Variants in DSP observed in about 807,000 individuals in gnomAD.
DSP encodes the protein desmoplakin, also known as 250/210 kDa paraneoplastic pemphigus antigen.
In DSP, 114 loss-of-function variants were observed where a neutral mutation model predicts 290.6. That is an observed-to-expected ratio of 0.39 (90% CI 0.34 to 0.46). DSP has a LOEUF of 0.46. DSP is among the 20% of genes least tolerant of loss of function. The pLI is 0.99. For synonymous variants in DSP, 1,311 were observed against 1,316.4 expected (o/e 1.00, Z 0.09); for missense variants, 3,230 against 3,495.8 (o/e 0.92, Z 1.92).
intron 12 of DSP, 120 bp downstream of exon 12, chr6:7,569,460 T>TA: frequency 1.4e-6 from 2 of 1,452,656 alleles, no homozygotes; most frequent in South Asian, 1.2e-5. Flanking sequence ...AAACACCTTC[T>TA]AAAAAAAGGA....
intron 1 of DSP, among the ~76,000 whole-genome samples, chr6:7,545,735 T>G (rs1279555716): frequency 1.3e-5 from 2 of 152,114 alleles, no homozygotes. Context: ...TGAGAGAACA[T>G]CTGTCGTGGG....
chr6:7,541,788 C>T lies in DSP; in HGVS notation c.-128C>T, dbSNP rs1757979858. On this transcript the variant is annotated 5_prime_UTR_variant, in exon 1 of 24. Coordinates refer to ENST00000379802, the MANE Select transcript of DSP (RefSeq NM_004415.4). ...GGGCCCAGGTAGCGAGCAGCGACCT[C>T]GCGAGCCTTCCGCACTCCCGCCCGG... 2 of 1,256,894 alleles carry T rather than the reference C, an allele frequency of 1.6e-6. No individual in the cohort carries two copies. Among genetic ancestry groups the T allele is most frequent in the Non-Finnish European group, 2.1e-6 (2 of 934,890 alleles). The allele number at this position is 1,256,894 out of a possible 1,614,324, so 77.9% of individuals were successfully genotyped here.
chr6:7,553,832 T>C (rs1048291846), intron 1 of DSP, among the ~76,000 whole-genome samples: 1 of 152,150 alleles, frequency 6.6e-6, no homozygotes, highest in Non-Finnish European at 1.5e-5. Flanking sequence ...TGTGTCTTCT[T>C]CTGGGAGTAG....
At chr6:7,567,549 C>A in intron 9 of DSP, 100 bp downstream of exon 9, 1 of 1,233,622 alleles carries the variant, frequency 8.1e-7, no homozygotes. Flanking sequence ...CAAAATGTTG[C>A]ATAAATCCTC....
At position 7,584,873 on chromosome 6, in the gene DSP, C is replaced by T; in HGVS notation, c.7611C>T (p.Gly2537=). The change falls in exon 24 of 24, where the codon GGC becomes GGT. Residue 2537 remains glycine, a synonymous_variant. Transcript: ENST00000379802. The surrounding 1 kb of genome is among the most constrained non-coding windows in gnomAD (Gnocchi z 6.4). The part of the protein sequence containing the change: ...QYDIQDAIDK[G]LVDRKFFDQY... ...ATATTCAAGATGCTATTGACAAGGG[C>T]CTTGTTGACAGGAAGTTCTTTGATC... 3.7e-6 allele frequency: 6 copies of T among 1,614,146 alleles called. No individual in the cohort carries two copies. The highest frequency in any genetic ancestry group is 5.1e-6 in the Non-Finnish European group (6 of 1,180,036).
chr6:7,553,379 G>A (rs1758398743), intron 1 of DSP, among the ~76,000 whole-genome samples: 1 of 152,150 alleles, frequency 6.6e-6, no homozygotes, highest in African/African-American at 2.4e-5. Flanking sequence ...GCTTGGGACT[G>A]GCATTCTTTG....
At position 7,558,236 on chromosome 6, in the gene DSP, G is replaced by A. The variant is rs1064796573; in HGVS notation, c.394G>A (p.Gly132Ser). 6.2e-7 allele frequency: 1 copy of A among 1,614,174 alleles called. No individual in the cohort carries two copies. The highest frequency in any genetic ancestry group is 8.5e-7 in the Non-Finnish European group (1 of 1,180,026). ...DSLIREMRQM[G>S]QPCDAYQKRL... ...CTTGATCAGAGAGATGCGGCAGATGGGCCAGCCCTGTGATGCTTACCAGAA... is the reference window on the plus strand; with the variant it reads ...CTTGATCAGAGAGATGCGGCAGATGAGCCAGCCCTGTGATGCTTACCAGAA... The change falls in exon 3 of 24, where the codon GGC (glycine) becomes AGC (serine). Residue 132 changes from glycine (G) to serine (S), a missense_variant. Gly to Ser is a moderately conservative substitution (Grantham distance 56). Transcript: ENST00000379802.
intron 22 of DSP, 116 bp downstream of exon 22, chr6:7,578,678 T>C: frequency 1.1e-6 from 1 of 874,530 alleles, no homozygotes; most frequent in South Asian, 1.4e-5. Context: ...GTATTTCCTC[T>C]AAAGGTTTAG....
Position 7,572,029 on chromosome 6 carries a change from A to G in DSP, c.2091A>G (p.Gly697=), listed in dbSNP as rs2076304. The part of the protein sequence containing the change: ...TLKNLPLADQ[G]SSHHITVKIN... ...AAAACCTCCCTCTAGCAGACCAGGG[A>G]TCTTCTCACCACATCACAGTGAAAA... is the stretch of plus-strand genomic sequence containing the variant. Residue 697 remains glycine, a synonymous_variant, in exon 15 of 24, where the codon GGA becomes GGG. Coordinates refer to ENST00000379802, the MANE Select transcript of DSP (RefSeq NM_004415.4). 0.77 allele frequency: 1,236,833 copies of G among 1,613,788 alleles called. 475,191 individuals are homozygous for G. Among genetic ancestry groups the G allele is most frequent in the East Asian group, 0.83 (37,425 of 44,872 alleles).
Position 7,565,143 on chromosome 6 carries a change from C to T in DSP, c.778-216C>T, listed in dbSNP as rs55938083. On this transcript the variant is annotated intron_variant, in intron 6 of 23. Coordinates refer to ENST00000379802, the MANE Select transcript of DSP (RefSeq NM_004415.4). This position sits in a 1 kb window ranked among gnomAD's most constrained non-coding sequence, Gnocchi z 4.2. The stretch of plus-strand genomic sequence containing the variant: ...AGCCTGGGAGACGAGAGCGACAGTC[C>T]GTCTCAAAAAAAAAAAAGTTGCTGC... 0.28 allele frequency among the ~76,000 whole-genome samples: 42,064 copies of T among 151,396 alleles called. 6,090 individuals carry two copies. Among genetic ancestry groups the T allele is most frequent in the East Asian group, 0.46 (2,375 of 5,158 alleles).
Position 7,550,344 on chromosome 6 carries a change from G to A in DSP, c.171-5374G>A, listed in dbSNP as rs564072356. Reference sequence around the variant, plus strand: ...TGCTGGGATTACAGGCATGAGCCACGGCACCCAACCTTGTCTTGTATTTTT... The same window carrying A: ...TGCTGGGATTACAGGCATGAGCCACAGCACCCAACCTTGTCTTGTATTTTT... On this transcript the variant is annotated intron_variant, in intron 1 of 23. Coordinates refer to ENST00000379802, the MANE Select transcript of DSP (RefSeq NM_004415.4). 5.3e-5 allele frequency among the ~76,000 whole-genome samples: 8 copies of A among 152,074 alleles called. No homozygotes were observed. In the East Asian group the frequency reaches 1.2e-3, roughly 22 times the overall value.
chr6:7,568,641 A>AT (rs1471987571), intron 11 of DSP, 52 bp downstream of exon 11: 1 of 1,602,850 alleles, frequency 6.2e-7, no homozygotes, highest in African/African-American at 1.3e-5. Flanking sequence ...TTACACACAA[A>AT]TTTTTGTCCA....
Position 7,585,584 on chromosome 6 carries a change from G to C in DSP, c.8322G>C (p.Leu2774=), listed in dbSNP as rs1455098095. The change falls in exon 24 of 24, where the codon CTG becomes CTC. Residue 2774 remains leucine, a synonymous_variant. Transcript: ENST00000379802. ...ACACCAGCAGCTATGCCAAAATCCT[G>C]ACCTGCCCCAAAACCAAATTAAAAA... The part of the protein sequence containing the change: ...LQDTSSYAKI[L]TCPKTKLKIS... The C allele has an allele frequency of 1.2e-6, 2 of 1,614,186 alleles. No individual in the cohort carries two copies. The highest frequency in any genetic ancestry group is 2.7e-5 in the African/African-American group (2 of 75,024).
At chr6:7,568,208 C>A (rs1758921398) in intron 10 of DSP, among the ~76,000 whole-genome samples, 2 of 152,198 alleles carry the variant, frequency 1.3e-5, no homozygotes, top group African/African-American at 4.8e-5. Context: ...ATAGCCCTTT[C>A]ACACAAGGAT....
intron 14 of DSP, 40 bp from the exon 15 acceptor site, chr6:7,571,802 G>T: frequency 6.3e-7 from 1 of 1,596,200 alleles, no homozygotes; most frequent in South Asian, 1.1e-5. Context: ...TTGATACCTA[G>T]GTATTCTCTG....
At chr6:7,548,268 A>G (rs965694429) in intron 1 of DSP, among the ~76,000 whole-genome samples, 56 of 152,118 alleles carry the variant, frequency 3.7e-4, no homozygotes, top group African/African-American at 1.3e-3. Context: ...CTCCGTGAAA[A>G]AAAAAAAGAA....
chr6:7,565,834 G>A lies in DSP; in HGVS notation c.939+314G>A, dbSNP rs1055474997. The A allele has an allele frequency of 1.5e-5, 6 of 406,414 alleles. No individual in the cohort carries two copies. The highest frequency in any genetic ancestry group is 1.2e-4 in the African/African-American group (6 of 48,690). 25.2% of individuals were successfully genotyped at this position (406,414 alleles called of 1,614,324 possible). A position where few individuals can be genotyped will look rare whatever the true frequency, so the allele number is the denominator to read the frequency against. ...TGGGGCCTTTCGGAGGGCAGAGGGT[G>A]GAGGTGGAAGGAGGGAGAGGATCAG... On this transcript the variant is annotated intron_variant, in intron 7 of 23. Transcript: ENST00000379802. This position sits in a 1 kb window ranked among gnomAD's most constrained non-coding sequence, Gnocchi z 4.2.
At chr6:7,543,380 A>G (rs1758075212) in intron 1 of DSP, among the ~76,000 whole-genome samples, 1 of 147,060 alleles carries the variant, frequency 6.8e-6, no homozygotes, top group African/African-American at 2.5e-5. Context: ...GGCATCCTGA[A>G]AATCTATTTT....
At chr6:7,555,514 A>T (rs1758481481) in intron 1 of DSP, among the ~76,000 whole-genome samples, 1 of 152,200 alleles carries the variant, frequency 6.6e-6, no homozygotes, top group South Asian at 2.1e-4. Context: ...AATAATATAT[A>T]CACACAGATA....
Sources: allele counts gnomAD v4.1 joint callset (sites outside exome capture counted in the v4.1 genomes callset), GRCh38; gene constraint gnomAD v4.1.1; non-coding constraint Gnocchi (gnomAD v3.1); transcripts MANE v1.5; gene names NCBI Gene and HGNC (gene_info 2026-07-23, HGNC 2026-07-21).